VPS8: variants seen among roughly 807,000 people sequenced by gnomAD.
VPS8 encodes the protein vacuolar protein sorting-associated protein 8 homolog.
A neutral mutation model predicts 216.4 loss-of-function variants in VPS8; 129 were observed. That is an observed-to-expected ratio of 0.60 (90% CI 0.52 to 0.69). VPS8 has a LOEUF of 0.69. Among genes scored for constraint, VPS8 ranks in the 30% least tolerant of loss-of-function variants. VPS8 has a pLI of 0.00. For synonymous variants in VPS8, 571 were observed against 565.4 expected, an observed-to-expected ratio of 1.01 and a Z score of -0.14; for missense variants, 1,531 against 1,683.5, an observed-to-expected ratio of 0.91 and a Z score of 1.59.
intron 3 of VPS8, among the ~76,000 whole-genome samples, chr3:184,826,441 C>T (rs1387266723): frequency 6.6e-6 from 1 of 152,196 alleles, no homozygotes; most frequent in African/African-American, 2.4e-5. Flanking sequence ...TCAATAGCCA[C>T]GTGTGGCTAG....
chr3:184,867,501 T>G (rs1727576413), intron 17 of VPS8, among the ~76,000 whole-genome samples: 2 of 152,218 alleles, frequency 1.3e-5, no homozygotes, highest in Admixed American at 1.3e-4. Context: ...TTCTTGTCCA[T>G]GGAATTAACT....
At chr3:185,027,994 C>A (rs534990228) in intron 46 of VPS8, among the ~76,000 whole-genome samples, 5 of 152,170 alleles carry the variant, frequency 3.3e-5, no homozygotes, top group Non-Finnish European at 7.3e-5. Context: ...TTCACCATGG[C>A]GGTTAACAAG....
chr3:184,886,470 T>TATAC (rs1553853967), intron 22 of VPS8, among the ~76,000 whole-genome samples: 40 of 151,388 alleles, frequency 2.6e-4, no homozygotes, highest in Middle Eastern at 3.4e-3. Context: ...TATATATATA[T>TATAC]ACACACACAC....
chr3:184,918,449 A>G (rs533564729), intron 28 of VPS8, among the ~76,000 whole-genome samples: 3 of 152,308 alleles, frequency 2.0e-5, no homozygotes, highest in Admixed American at 1.3e-4. Context: ...AACATCCATA[A>G]TTAGAAGCAT....
At chr3:184,854,553 G>A (rs1358343955) in intron 13 of VPS8, among the ~76,000 whole-genome samples, 2 of 152,144 alleles carry the variant, frequency 1.3e-5, no homozygotes, top group Non-Finnish European at 2.9e-5. Flanking sequence ...GCCCTTCTGA[G>A]TGCAGTAAAA....
chr3:184,885,986 C>A lies in VPS8; in HGVS notation c.1735-124C>A. 2.8e-6 allele frequency: 3 copies of A among 1,061,954 alleles called. No individual in the cohort carries two copies. In the South Asian group the frequency reaches 5.4e-5, roughly 19 times the overall value. 65.8% of individuals were successfully genotyped at this position (1,061,954 alleles called of 1,614,324 possible). The stretch of plus-strand genomic sequence containing the variant: ...TGACACATAATGCCAAATTGCTTAC[C>A]AAAAGCATGATATGAAGTTATATCC... On this transcript the variant is annotated intron_variant, in intron 21 of 47. Coordinates refer to ENST00000625842, the MANE Select transcript of VPS8 (RefSeq NM_001009921.3).
chr3:184,858,228 G>A (rs1277173884), intron 14 of VPS8, among the ~76,000 whole-genome samples: 1 of 152,056 alleles, frequency 6.6e-6, no homozygotes, highest in African/African-American at 2.4e-5. Flanking sequence ...TATAGAGTGT[G>A]TACTTATATA....
chr3:184,930,478 C>G lies in VPS8; in HGVS notation c.2808C>G (p.Val936=), dbSNP rs1740477126. The G allele has an allele frequency of 6.2e-7, 1 of 1,611,232 alleles. No individual in the cohort carries two copies. Among genetic ancestry groups the G allele is most frequent in the South Asian group, 1.1e-5 (1 of 90,974 alleles). The change falls in exon 34 of 48, where the codon GTC becomes GTG. Residue 936 remains valine, a synonymous_variant. Transcript: ENST00000625842. The part of the protein sequence containing the change: ...YLRDPLREEE[V]FNYIHNILSI... ...TGTCTTGTGCTCTTCAGGAAGAAGT[C>G]TTTAATTACATTCACAATATCTTAT...
intron 45 of VPS8, among the ~76,000 whole-genome samples, chr3:185,012,214 A>G: frequency 6.7e-6 from 1 of 148,736 alleles, no homozygotes; most frequent in Non-Finnish European, 1.5e-5. Context: ...CTATATCTAT[A>G]TTTTATAGAT....
intron 28 of VPS8, among the ~76,000 whole-genome samples, chr3:184,916,410 GA>G (rs988852205): frequency 1.8e-4 from 27 of 152,126 alleles, no homozygotes; most frequent in African/African-American, 6.5e-4. Context: ...AGTATTTGGA[GA>G]AAAAAAGACA....
chr3:184,963,683 C>CT (rs1241238358), intron 37 of VPS8, among the ~76,000 whole-genome samples: 2 of 152,136 alleles, frequency 1.3e-5, no homozygotes, highest in African/African-American at 4.8e-5. Context: ...GACAGTATGA[C>CT]TTCTAACCTT....
chr3:184,939,700 A>C (rs945900323), intron 35 of VPS8, among the ~76,000 whole-genome samples: 3 of 152,126 alleles, frequency 2.0e-5, no homozygotes, highest in Middle Eastern at 3.2e-3. Context: ...TTTGATTGGC[A>C]TCTCTTCTGT....
intron 46 of VPS8, among the ~76,000 whole-genome samples, chr3:185,038,851 C>T (rs543228005): frequency 2.0e-5 from 3 of 152,288 alleles, no homozygotes; most frequent in South Asian, 2.1e-4. Context: ...CTCCTGGACT[C>T]ATAATCCAGG....
chr3:184,860,534 T>G (rs1036233794), intron 15 of VPS8, among the ~76,000 whole-genome samples: 1 of 151,188 alleles, frequency 6.6e-6, no homozygotes, highest in African/African-American at 2.4e-5. Flanking sequence ...TTGAATAAAC[T>G]CTGAATGTGG....
intron 46 of VPS8, among the ~76,000 whole-genome samples, chr3:185,030,204 G>A (rs1264507415): frequency 6.6e-6 from 1 of 152,124 alleles, no homozygotes; most frequent in Non-Finnish European, 1.5e-5. Context: ...GTTAGTTGGG[G>A]GCAGCATCAG....
At chr3:184,825,957 A>G (rs1718677094) in intron 2 of VPS8, among the ~76,000 whole-genome samples, 1 of 152,020 alleles carries the variant, frequency 6.6e-6, no homozygotes, top group South Asian at 2.1e-4. Context: ...GTTAGTGCAT[A>G]TATGTCCTTG....
At chr3:184,863,979 G>A (rs1726869558) in intron 16 of VPS8, among the ~76,000 whole-genome samples, 1 of 152,072 alleles carries the variant, frequency 6.6e-6, no homozygotes, top group African/African-American at 2.4e-5. Context: ...TTCACTAAGT[G>A]ATAATAATAA....
intron 22 of VPS8, among the ~76,000 whole-genome samples, 195 bp from the exon 23 acceptor site, chr3:184,894,508 G>GTATATATATATATATATATATATATA (rs756172890): frequency 3.8e-5 from 5 of 133,124 alleles, no homozygotes; most frequent in South Asian, 2.5e-4. Context: ...ATATACACAC[G>GTATATATATATATATATATATATATA]TATATATATA....
chr3:184,906,068 T>C (rs954560823), intron 25 of VPS8, among the ~76,000 whole-genome samples: 10 of 152,120 alleles, frequency 6.6e-5, no homozygotes, highest in African/African-American at 2.4e-4. Flanking sequence ...TTTGTTTTTG[T>C]GTTTTTTTTA....
Sources: gnomAD v4.1 joint callset for allele counts (sites outside exome capture counted in the v4.1 genomes callset) on GRCh38, gnomAD v4.1.1 for gene constraint, MANE v1.5 for transcripts, NCBI Gene and HGNC (gene_info 2026-07-23, HGNC 2026-07-21) for gene names.